TMEM106C: variants seen among roughly 807,000 people sequenced by gnomAD.
TMEM106C encodes transmembrane protein 106C.
TMEM106C carries 27 observed loss-of-function variants against 30.8 expected under a neutral mutation model. That is an observed-to-expected ratio of 0.88 (90% CI 0.65 to 1.21). The LOEUF (loss-of-function observed/expected upper bound fraction) is 1.21, where lower values mean the gene tolerates loss of function less well. Among genes scored for constraint, TMEM106C ranks in the 50% most tolerant of loss-of-function variants. TMEM106C has a pLI of 0.00. For synonymous variants in TMEM106C, 123 were observed against 118.8 expected (o/e 1.04, Z -0.23); for missense variants, 288 against 307.8 (o/e 0.94, Z 0.48).
chr12:47,968,020 C>T, intron 7 of TMEM106C, 113 bp from the exon 8 acceptor site: 1 of 701,818 alleles, frequency 1.4e-6, no homozygotes, highest in South Asian at 1.7e-5. Context: ...AGGATATGTG[C>T]CTGGGGCCCG....
rs775742117 is a variant in TMEM106C at position 47,966,757 on chromosome 12, GTGCTCTCTAC to G, written c.602+28_602+37del. 28 of 1,613,220 alleles carry G rather than the reference GTGCTCTCTAC, an allele frequency of 1.7e-5. No homozygotes were observed. The South Asian group carries it at 2.7e-4, about 16-fold the overall frequency. The stretch of plus-strand genomic sequence containing the variant: ...AGTAAGGACACTGTTCTCTCTGTGT[GTGCTCTCTAC>G]TGGAGGAAAGGGATTCAAAGTCATA... On this transcript the variant is annotated intron_variant, in intron 6 of 7. Coordinates refer to ENST00000429772, the MANE Select transcript of TMEM106C (RefSeq NM_001143842.2).
Position 47,965,206 on chromosome 12 carries a change from G to C in TMEM106C, c.188-76G>C, listed in dbSNP as rs1297984396. On this transcript the variant is annotated intron_variant, in intron 2 of 7. Transcript: ENST00000429772. ...TCATTCCAGAAGAATATTTGTTGTG[G>C]CAGGCTCAAGTGAGACGTGAAGGAA... is the stretch of plus-strand genomic sequence containing the variant. 13 of 1,159,216 alleles carry C rather than the reference G, an allele frequency of 1.1e-5. 1 individual carries two copies. In the Admixed American group the frequency reaches 1.2e-4, roughly 11 times the overall value. 71.8% of individuals were successfully genotyped at this position (1,159,216 alleles called of 1,614,324 possible).
intron 2 of TMEM106C, among the ~76,000 whole-genome samples, chr12:47,964,947 C>T (rs1277237145): frequency 6.6e-6 from 1 of 152,168 alleles, no homozygotes; most frequent in African/African-American, 2.4e-5. Context: ...TGGTTAGGAC[C>T]TTCAAAATCA....
At chr12:47,966,880 A>G in intron 6 of TMEM106C, 148 bp downstream of exon 6, 3 of 755,832 alleles carry the variant, frequency 4.0e-6, no homozygotes, top group East Asian at 2.5e-5. Context: ...ATTTATTTGA[A>G]GAATGTATTA....
At chr12:47,966,796 C>T in intron 6 of TMEM106C, 64 bp downstream of exon 6, 1 of 1,572,930 alleles carries the variant, frequency 6.4e-7, no homozygotes, top group South Asian at 1.1e-5. Context: ...AGTCATACTC[C>T]ATTGATTGGG....
Position 47,967,145 on chromosome 12 carries a change from C to T in TMEM106C, c.603-63C>T, listed in dbSNP as rs983605824. ...CCCCAAACAGGACAGTGTAACTCTG[C>T]ACTCTTCTACTGAGGCTTTAAAAAA... On this transcript the variant is annotated intron_variant, in intron 6 of 7. Transcript: ENST00000429772. 17 of 1,545,040 alleles carry T rather than the reference C, an allele frequency of 1.1e-5. No individual in the cohort carries two copies. The East Asian group carries it at 3.8e-4, about 35-fold the overall frequency.
At chr12:47,963,810 T>G (rs1592183658) in intron 1 of TMEM106C, 106 bp downstream of exon 1, 13 of 206,276 alleles carry the variant, frequency 6.3e-5, no homozygotes, top group South Asian at 1.4e-4. Context: ...GGCTGGGGGG[T>G]GGAGAGGAAT....
chr12:47,967,442 C>T (rs983702276), intron 7 of TMEM106C, among the ~76,000 whole-genome samples, 181 bp downstream of exon 7: 1 of 152,222 alleles, frequency 6.6e-6, no homozygotes, highest in Non-Finnish European at 1.5e-5. Context: ...ACATGCCCTT[C>T]ACAAATCACC....
At chr12:47,966,922 T>A (rs138690964) in intron 6 of TMEM106C, 190 bp downstream of exon 6, 13 of 653,772 alleles carry the variant, frequency 2.0e-5, no homozygotes, top group Admixed American at 1.2e-4. Flanking sequence ...AATGTATTAT[T>A]TGATATGTGA....
Position 47,968,270 on chromosome 12 carries a change from A to T in TMEM106C, c.*41A>T, listed in dbSNP as rs758630389. 1 of 1,478,546 alleles carries T rather than the reference A, an allele frequency of 6.8e-7. No individual in the cohort carries two copies. Among genetic ancestry groups the T allele is most frequent in the Non-Finnish European group, 9.4e-7 (1 of 1,059,266 alleles). The allele number at this position is 1,478,546 out of a possible 1,614,324, so 91.6% of individuals were successfully genotyped here. On this transcript the variant is annotated 3_prime_UTR_variant, in exon 8 of 8. Transcript: ENST00000429772. ...CTTCCACACAGCGCCTGTAGAAGAG[A>T]GCACAGCATATGTTCCCAAGGCCTG...
At chr12:47,965,646 A>G in intron 3 of TMEM106C, 192 bp from the exon 4 acceptor site, 1 of 758,762 alleles carries the variant, frequency 1.3e-6, no homozygotes, top group South Asian at 1.7e-5. Context: ...TTTTCTTCCC[A>G]GAGTGCAAAC....
rs144276777 is a variant in TMEM106C at position 47,966,215 on chromosome 12, C to T, written c.538C>T (p.Arg180Trp). 3.0e-5 allele frequency: 49 copies of T among 1,613,918 alleles called. No individual in the cohort carries two copies. Among genetic ancestry groups the T allele is most frequent in the African/African-American group, 2.5e-4 (19 of 74,924 alleles). ...TACTAACGTCTCCCTTATTCCACCT[C>T]GGAGTGAGCAACTGGTATGCTGTTC... ...VTTNVSLIPP[R>W]SEQLVNFTGK... The change falls in exon 5 of 8, where the codon CGG (arginine) becomes TGG (tryptophan). Residue 180 changes from arginine to tryptophan, a missense_variant. Arg to Trp is a moderately radical substitution (Grantham distance 101). Coordinates refer to ENST00000429772, the MANE Select transcript of TMEM106C (RefSeq NM_001143842.2).
In TMEM106C at chr12:47,967,247, A is replaced by G. The variant is rs765050746; in HGVS notation, c.642A>G (p.Ile214Met). Residue 214 changes from isoleucine to methionine, a missense_variant, in exon 7 of 8, where the codon ATA (isoleucine) becomes ATG (methionine). Physicochemically the swap from Ile to Met is conservative, Grantham distance 10. Coordinates refer to ENST00000429772, the MANE Select transcript of TMEM106C (RefSeq NM_001143842.2). ...TACCTGAGATCCTGGTGCACAACAT[A>G]GTGATCTTCATGCGGTGCGTCTCTC... ...CTVPEILVHN[I>M]VIFMRTSVKI... The G allele has an allele frequency of 6.2e-7, 1 of 1,613,900 alleles. No homozygotes were observed. Among genetic ancestry groups the G allele is most frequent in the Non-Finnish European group, 8.5e-7 (1 of 1,180,006 alleles).
Position 47,966,838 on chromosome 12 carries a change from C to T in TMEM106C, c.602+106C>T, listed in dbSNP as rs150512244. 521 of 1,152,554 alleles carry T rather than the reference C, an allele frequency of 4.5e-4. 4 individuals carry two copies. In the East Asian group the frequency reaches 0.011, roughly 24 times the overall value. 71.4% of individuals were successfully genotyped at this position (1,152,554 alleles called of 1,614,324 possible). A position where few individuals can be genotyped will look rare whatever the true frequency, so the allele number is the denominator to read the frequency against. On this transcript the variant is annotated intron_variant, in intron 6 of 7. Coordinates refer to ENST00000429772, the MANE Select transcript of TMEM106C (RefSeq NM_001143842.2). ...TCCTGCCTTAGATCTCAGCTTTTGA[C>T]TTATAGGTTCCCTGGCTTTGGATGT... is the stretch of plus-strand genomic sequence containing the variant.
intron 3 of TMEM106C, chr12:47,965,619 T>C: frequency 1.4e-6 from 1 of 701,648 alleles, no homozygotes; most frequent in Non-Finnish European, 2.5e-6. Flanking sequence ...TCTGTCCACA[T>C]AGCTCCTTTC....
chr12:47,966,521 G>A, intron 5 of TMEM106C, 162 bp from the exon 6 acceptor site: 1 of 785,104 alleles, frequency 1.3e-6, no homozygotes, highest in South Asian at 1.7e-5. Flanking sequence ...GGAAGAGGTT[G>A]GCAGTATCAA....
chr12:47,965,982 A>G lies in TMEM106C; in HGVS notation c.396A>G (p.Val132=), dbSNP rs138946789. The G allele has an allele frequency of 2.5e-6, 4 of 1,614,086 alleles. No homozygotes were observed. Among genetic ancestry groups the G allele is most frequent in the Non-Finnish European group, 3.4e-6 (4 of 1,180,048 alleles). ...CATTTAATAAGCAAGACTCCCTTGT[A>G]ATTCTCACCATCATGGTAAGCCTTA... ...KVTFNKQDSL[V]ILTIMATLKI... The change falls in exon 4 of 8, where the codon GTA becomes GTG. Residue 132 remains valine (V), a synonymous_variant. Transcript: ENST00000429772.
Position 47,964,363 on chromosome 12 carries a change from T to C in TMEM106C, c.127T>C (p.Phe43Leu). Residue 43 changes from phenylalanine to leucine, a missense_variant, in exon 2 of 8, where the codon TTC (phenylalanine) becomes CTC (leucine). Physicochemically the swap from Phe to Leu is conservative, Grantham distance 22. Coordinates refer to ENST00000429772, the MANE Select transcript of TMEM106C (RefSeq NM_001143842.2). Reference protein sequence around the residue: ...EAIAQFPYVEFTGRDSITCLT... With the variant: ...EAIAQFPYVELTGRDSITCLT... ...CATTGCTCAGTTCCCATATGTGGAA[T>C]TCACCGGGAGAGATAGCATCACCTG... is the stretch of plus-strand genomic sequence containing the variant. The C allele has an allele frequency of 6.2e-7, 1 of 1,614,136 alleles. No homozygotes were observed. The highest frequency in any genetic ancestry group is 8.5e-7 in the Non-Finnish European group (1 of 1,180,002).
rs1194609321 is a variant in TMEM106C at position 47,968,280 on chromosome 12, A to G, written c.*51A>G. The G allele has an allele frequency of 1.0e-5, 15 of 1,444,880 alleles. No homozygotes were observed. The South Asian group carries it at 1.6e-4, about 15-fold the overall frequency. 89.5% of individuals were successfully genotyped at this position (1,444,880 alleles called of 1,614,324 possible). A position where few individuals can be genotyped will look rare whatever the true frequency, so the allele number is the denominator to read the frequency against. ...GCGCCTGTAGAAGAGAGCACAGCAT[A>G]TGTTCCCAAGGCCTGAGTTCTGGAC... is the stretch of plus-strand genomic sequence containing the variant. On this transcript the variant is annotated 3_prime_UTR_variant, in exon 8 of 8. Coordinates refer to ENST00000429772, the MANE Select transcript of TMEM106C (RefSeq NM_001143842.2).
Sources: allele counts gnomAD v4.1 joint callset (sites outside exome capture counted in the v4.1 genomes callset), GRCh38; gene constraint gnomAD v4.1.1; transcripts MANE v1.5; gene names NCBI Gene and HGNC (gene_info 2026-07-23, HGNC 2026-07-21).